MPDZ: variants seen among roughly 807,000 people sequenced by gnomAD.
MPDZ encodes multiple PDZ domain crumbs cell polarity complex component, also known as multiple PDZ domain protein.
A neutral mutation model predicts 239.1 loss-of-function variants in MPDZ; 234 were observed. The ratio of observed to expected loss-of-function variants is 0.98; its 90% CI spans 0.88 to 1.09. The LOEUF (loss-of-function observed/expected upper bound fraction) is 1.09. Ranked by LOEUF, MPDZ falls within the 50% of genes least tolerant of loss-of-function variation. The pLI is 0.00. For missense variants in MPDZ, 3,175 were observed against 2,510.0 expected, an observed-to-expected ratio of 1.26 and a Z score of -5.66; for synonymous variants, 1,048 against 881.3, an observed-to-expected ratio of 1.19 and a Z score of -3.35.
chr9:13,239,742 T>A (rs768651512), intron 3 of MPDZ, among the ~76,000 whole-genome samples: 1 of 152,146 alleles, frequency 6.6e-6, no homozygotes, highest in Non-Finnish European at 1.5e-5. Flanking sequence ...GAATATGGCA[T>A]GGACTTTATG....
chr9:13,156,452 C>A (rs1949824650), intron 24 of MPDZ, among the ~76,000 whole-genome samples: 2 of 152,166 alleles, frequency 1.3e-5, no homozygotes. Flanking sequence ...CAAGGAGGAG[C>A]AAGTCACATC....
At chr9:13,118,886 T>A (rs189970817) in intron 39 of MPDZ, among the ~76,000 whole-genome samples, 1 of 152,160 alleles carries the variant, frequency 6.6e-6, no homozygotes, top group Non-Finnish European at 1.5e-5. Context: ...TAGAATGATA[T>A]CTAGGGATGG....
chr9:13,143,930 C>G (rs536159183), intron 26 of MPDZ, among the ~76,000 whole-genome samples: 1 of 151,928 alleles, frequency 6.6e-6, no homozygotes, highest in Non-Finnish European at 1.5e-5. Flanking sequence ...AAAATTAAAA[C>G]CACAAAATTT....
intron 3 of MPDZ, 79 bp downstream of exon 3, chr9:13,247,556 C>G: frequency 6.8e-7 from 1 of 1,469,696 alleles, no homozygotes; most frequent in South Asian, 1.3e-5. Flanking sequence ...ATAGAAAAAT[C>G]AGCCTTTCAG....
intron 27 of MPDZ, 66 bp from the exon 28 acceptor site, chr9:13,140,215 A>G (rs1947443085): frequency 1.3e-6 from 2 of 1,517,544 alleles, no homozygotes; most frequent in Non-Finnish European, 1.8e-6. Context: ...AGAAGAAGAA[A>G]TAAGAGTATA....
chr9:13,243,530 T>C (rs1263151412), intron 3 of MPDZ, among the ~76,000 whole-genome samples: 1 of 152,138 alleles, frequency 6.6e-6, no homozygotes, highest in Middle Eastern at 3.2e-3. Flanking sequence ...AGAAGTTGCT[T>C]CAAATTCTTT....
At chr9:13,251,213 A>G (rs1967922657) in intron 1 of MPDZ, among the ~76,000 whole-genome samples, 1 of 151,986 alleles carries the variant, frequency 6.6e-6, no homozygotes, top group African/African-American at 2.4e-5. Flanking sequence ...CCACTGGAAG[A>G]TAATACTTTA....
At position 13,136,171 on chromosome 9, in the gene MPDZ, G is replaced by A. The variant is rs752864103; in HGVS notation, c.4304C>T (p.Ala1435Val). The A allele has an allele frequency of 1.3e-5, 21 of 1,610,434 alleles. No individual in the cohort carries two copies. The highest frequency in any genetic ancestry group is 1.6e-5 in the Non-Finnish European group (19 of 1,177,958). ...VKIIFIRNKD[A>V]VNQMAVCPGN... is the part of the protein sequence containing the mutation. ...AGGACATACGGCCATCTGATTCACT[G>A]CATCTTTATTTCTAAAAGCAAAAAA... The change falls in exon 31 of 47, where the codon GCA (alanine) becomes GTA (valine). Residue 1435 changes from alanine (A) to valine (V), a missense_variant. Coordinates refer to ENST00000319217, the MANE Select transcript of MPDZ (RefSeq NM_001378778.1).
chr9:13,271,944 C>G (rs1403587449), intron 1 of MPDZ, among the ~76,000 whole-genome samples: 1 of 151,974 alleles, frequency 6.6e-6, no homozygotes, highest in Non-Finnish European at 1.5e-5. Context: ...GCAAACTAAT[C>G]TACAGTGACA....
intron 42 of MPDZ, 105 bp from the exon 43 acceptor site, chr9:13,112,251 T>A: frequency 8.5e-7 from 1 of 1,178,324 alleles, no homozygotes; most frequent in Non-Finnish European, 1.1e-6. Flanking sequence ...TTTCTAAGTG[T>A]GAGGGGGAAA....
At chr9:13,236,993 T>C (rs1161300739) in intron 3 of MPDZ, among the ~76,000 whole-genome samples, 1 of 152,170 alleles carries the variant, frequency 6.6e-6, no homozygotes, top group East Asian at 1.9e-4. Context: ...CAAGATACGC[T>C]GAAAAAAAGA....
intron 30 of MPDZ, 54 bp from the exon 31 acceptor site, chr9:13,136,236 T>C (rs1946724001): frequency 3.2e-6 from 4 of 1,236,832 alleles, no homozygotes; most frequent in Non-Finnish European, 3.5e-6. Context: ...ATTTTCATTC[T>C]CTTACTTCAA....
intron 12 of MPDZ, among the ~76,000 whole-genome samples, chr9:13,197,566 A>G (rs1955807674): frequency 6.6e-6 from 1 of 152,200 alleles, no homozygotes; most frequent in Admixed American, 6.6e-5. Flanking sequence ...ACAGATAATT[A>G]GGATATCCAT....
chr9:13,212,757 A>G (rs961730128), intron 10 of MPDZ, among the ~76,000 whole-genome samples: 2 of 150,602 alleles, frequency 1.3e-5, no homozygotes, highest in African/African-American at 4.9e-5. Flanking sequence ...AGGATCTGTC[A>G]AGCCCAGGAG....
intron 1 of MPDZ, among the ~76,000 whole-genome samples, chr9:13,270,685 T>C (rs929486765): frequency 5.9e-5 from 9 of 152,180 alleles, no homozygotes; most frequent in African/African-American, 2.2e-4. Flanking sequence ...CTTCTGCTTT[T>C]TTCTTCACTG....
intron 1 of MPDZ, among the ~76,000 whole-genome samples, chr9:13,278,615 G>A (rs1157835552): frequency 2.0e-5 from 3 of 152,198 alleles, no homozygotes; most frequent in Non-Finnish European, 4.4e-5. Context: ...CGGCATCCTG[G>A]GGCTGCCAAA....
chr9:13,221,447 C>G lies in MPDZ; in HGVS notation c.801G>C (p.Leu267Phe), dbSNP rs1959083365. ...TIELVNDGSG[L>F]GFGIIGGKAT... ...CTTTTCCTCCTATGATGCCAAATCCCAAACCAGATCCATCATTCACCAATT... is the reference window on the plus strand; with the variant it reads ...CTTTTCCTCCTATGATGCCAAATCCGAAACCAGATCCATCATTCACCAATT... The change falls in exon 7 of 47, where the codon TTG (leucine) becomes TTC (phenylalanine). Residue 267 changes from leucine to phenylalanine, a missense_variant. Coordinates refer to ENST00000319217, the MANE Select transcript of MPDZ (RefSeq NM_001378778.1). The G allele has an allele frequency of 3.1e-6, 5 of 1,611,258 alleles. No homozygotes were observed. The highest frequency in any genetic ancestry group is 4.2e-6 in the Non-Finnish European group (5 of 1,178,356).
chr9:13,180,292 C>T (rs1257249617), intron 19 of MPDZ, among the ~76,000 whole-genome samples: 2 of 152,088 alleles, frequency 1.3e-5, no homozygotes, highest in African/African-American at 4.8e-5. Flanking sequence ...GTTGAGTTGA[C>T]GTACAAGGTG....
chr9:13,148,900 T>C (rs1334537655), intron 25 of MPDZ, among the ~76,000 whole-genome samples: 2 of 152,012 alleles, frequency 1.3e-5, no homozygotes, highest in African/African-American at 4.8e-5. Context: ...AAAAGTTCTT[T>C]CTTTTCCATT....
Sources: allele counts gnomAD v4.1 joint callset (sites outside exome capture counted in the v4.1 genomes callset), GRCh38; gene constraint gnomAD v4.1.1; transcripts MANE v1.5; gene names NCBI Gene and HGNC (gene_info 2026-07-23, HGNC 2026-07-21).